ATG5: variants seen among roughly 807,000 people sequenced by gnomAD.
ATG5 encodes autophagy related 5.
In ATG5, 14 loss-of-function variants were observed where a neutral mutation model predicts 36.5. The ratio of observed to expected loss-of-function variants is 0.38; its 90% CI spans 0.25 to 0.60. ATG5 has a LOEUF of 0.60. ATG5 is among the 20% of genes least tolerant of loss of function. The pLI is 0.60. For missense variants in ATG5, 195 were observed against 326.7 expected, an observed-to-expected ratio of 0.60 and a Z score of 3.11; for synonymous variants, 95 against 101.5, an observed-to-expected ratio of 0.94 and a Z score of 0.38.
Position 106,297,765 on chromosome 6 carries a change from C to T in ATG5, c.237-4659G>A, listed in dbSNP as rs868501809. Among the ~76,000 whole-genome samples the T allele has an allele frequency of 2.9e-3, 314 of 108,086 alleles. 2 individuals carry two copies. Among genetic ancestry groups the T allele is most frequent in the Non-Finnish European group, 1.6e-3 (82 of 51,666 alleles). 70.9% of individuals were successfully genotyped at this position (108,086 alleles called of 152,430 possible). A position where few individuals can be genotyped will look rare whatever the true frequency, so the allele number is the denominator to read the frequency against. On this transcript the variant is annotated intron_variant, in intron 3 of 7. Transcript: ENST00000369076. ...ACACACACACACACACACACACACA[C>T]ATATATATTTTAAAGTTCATTGGGG...
chr6:106,256,407 C>A (rs1262302024), intron 5 of ATG5, among the ~76,000 whole-genome samples: 1 of 152,168 alleles, frequency 6.6e-6, no homozygotes, highest in South Asian at 2.1e-4. Flanking sequence ...CCACTCCAGA[C>A]CAATTACCTG....
At chr6:106,191,668 G>T (rs936995195) in intron 7 of ATG5, among the ~76,000 whole-genome samples, 2 of 152,078 alleles carry the variant, frequency 1.3e-5, no homozygotes, top group Middle Eastern at 3.4e-3. Flanking sequence ...TGGACACAGG[G>T]TACTCAATAA....
At chr6:106,225,578 TATC>T (rs1777423127) in intron 6 of ATG5, among the ~76,000 whole-genome samples, 1 of 152,198 alleles carries the variant, frequency 6.6e-6, no homozygotes, top group Admixed American at 6.5e-5. Context: ...AAAGTGGTGA[TATC>T]ATCAGTAATA....
At chr6:106,252,791 C>T (rs1284027706) in intron 5 of ATG5, among the ~76,000 whole-genome samples, 1 of 152,254 alleles carries the variant, frequency 6.6e-6, no homozygotes, top group Non-Finnish European at 1.5e-5. Flanking sequence ...CATGCATACA[C>T]TATTCACCTC....
At chr6:106,235,880 T>A (rs1278694569) in intron 6 of ATG5, among the ~76,000 whole-genome samples, 1 of 152,164 alleles carries the variant, frequency 6.6e-6, no homozygotes, top group Non-Finnish European at 1.5e-5. Context: ...AAGTATACAG[T>A]TCAAACTGTA....
At position 106,257,506 on chromosome 6, in the gene ATG5, A is replaced by G. The variant is rs189886693; in HGVS notation, c.479-9262T>C. Among the ~76,000 whole-genome samples, 528 of 152,330 alleles carry G rather than the reference A, an allele frequency of 3.5e-3. 3 individuals carry two copies. Among genetic ancestry groups the G allele is most frequent in the Non-Finnish European group, 5.7e-3 (391 of 68,016 alleles). On this transcript the variant is annotated intron_variant, in intron 5 of 7. Coordinates refer to ENST00000369076, the MANE Select transcript of ATG5 (RefSeq NM_004849.4). ...AGTTCCATTATAATCTTAAGGGACCACTATCATACATGCAGTCCACTGTTG... is the reference window on the plus strand; with the variant it reads ...AGTTCCATTATAATCTTAAGGGACCGCTATCATACATGCAGTCCACTGTTG...
chr6:106,296,073 C>G (rs1399024319), intron 3 of ATG5, among the ~76,000 whole-genome samples: 3 of 152,110 alleles, frequency 2.0e-5, no homozygotes, highest in Non-Finnish European at 4.4e-5. Flanking sequence ...CAGACTAACC[C>G]TAGGTACAAC....
At chr6:106,205,450 G>C (rs1776593107) in intron 6 of ATG5, among the ~76,000 whole-genome samples, 1 of 152,120 alleles carries the variant, frequency 6.6e-6, no homozygotes, top group South Asian at 2.1e-4. Flanking sequence ...AAATGCTTGA[G>C]GTGGTGAATA....
At chr6:106,278,885 T>C (rs1369401767) in intron 5 of ATG5, among the ~76,000 whole-genome samples, 3 of 152,196 alleles carry the variant, frequency 2.0e-5, no homozygotes, top group African/African-American at 7.2e-5. Flanking sequence ...CATAAGCTCA[T>C]CTGTTGTTAT....
intron 5 of ATG5, among the ~76,000 whole-genome samples, chr6:106,265,736 C>T (rs768845169): frequency 1.2e-4 from 18 of 151,946 alleles, no homozygotes; most frequent in Non-Finnish European, 2.2e-4. Flanking sequence ...AAAACCGCTC[C>T]TAAATAACTA....
intron 7 of ATG5, among the ~76,000 whole-genome samples, chr6:106,196,722 C>CAA (rs34507159): frequency 5.1e-5 from 7 of 138,276 alleles, no homozygotes; most frequent in Non-Finnish European, 9.6e-5. Flanking sequence ...GAATCAGTCT[C>CAA]AAAAAAAAAA....
At position 106,184,676 on chromosome 6, in the gene ATG5, T is replaced by C. The variant is rs75544359; in HGVS notation, c.*1864A>G. ...GAAGTAAAAATGGGCAATGTCTTCATAAAATTTACTTTCAAATCTAGATCA... is the reference window on the plus strand; with the variant it reads ...GAAGTAAAAATGGGCAATGTCTTCACAAAATTTACTTTCAAATCTAGATCA... On this transcript the variant is annotated 3_prime_UTR_variant, in exon 8 of 8. Coordinates refer to ENST00000369076, the MANE Select transcript of ATG5 (RefSeq NM_004849.4). The C allele has an allele frequency of 4.7e-3, 718 of 152,374 alleles. 7 individuals are homozygous for C. Among genetic ancestry groups the C allele is most frequent in the Non-Finnish European group, 5.8e-3 (396 of 67,982 alleles). The allele number at this position is 152,374 out of a possible 1,614,324, so 9.4% of individuals were successfully genotyped here.
At chr6:106,216,920 A>G (rs1777061842) in intron 6 of ATG5, among the ~76,000 whole-genome samples, 1 of 151,726 alleles carries the variant, frequency 6.6e-6, no homozygotes, top group Non-Finnish European at 1.5e-5. Context: ...TAAAAGGGTG[A>G]CCTCTGTAGT....
intron 4 of ATG5, among the ~76,000 whole-genome samples, chr6:106,281,282 G>C (rs957283897): frequency 6.6e-6 from 1 of 152,154 alleles, no homozygotes; most frequent in African/African-American, 2.4e-5. Flanking sequence ...ATGAGTAACT[G>C]TCAGCCCAAG....
chr6:106,195,808 T>TAAAAAA (rs35892579), intron 7 of ATG5, among the ~76,000 whole-genome samples: 2 of 91,348 alleles, frequency 2.2e-5, no homozygotes, highest in Non-Finnish European at 4.3e-5. Context: ...TGCTCCCCTC[T>TAAAAAA]AAAAAAAAAA....
At chr6:106,298,347 G>A (rs1330446860) in intron 3 of ATG5, among the ~76,000 whole-genome samples, 2 of 152,064 alleles carry the variant, frequency 1.3e-5, no homozygotes, top group Non-Finnish European at 2.9e-5. Flanking sequence ...GGCATATTAA[G>A]AATTAGGAGA....
At chr6:106,319,060 T>G (rs12527992) in intron 1 of ATG5, among the ~76,000 whole-genome samples, 12,483 of 152,208 alleles carry the variant, frequency 0.082, 732 homozygotes, top group Non-Finnish European at 0.12. Flanking sequence ...ACTTACAGTG[T>G]AACCTCAAGT....
At chr6:106,322,030 A>AT (rs889830851) in intron 1 of ATG5, among the ~76,000 whole-genome samples, 1 of 152,120 alleles carries the variant, frequency 6.6e-6, no homozygotes, top group African/African-American at 2.4e-5. Flanking sequence ...TTTTAGAAAG[A>AT]TTTTCCCTCT....
At chr6:106,200,035 G>A (rs1242835196) in intron 7 of ATG5, among the ~76,000 whole-genome samples, 2 of 152,174 alleles carry the variant, frequency 1.3e-5, no homozygotes, top group Non-Finnish European at 2.9e-5. Flanking sequence ...GGTTCTGACA[G>A]TATTATTGTA....
Sources: gnomAD v4.1 joint callset for allele counts (sites outside exome capture counted in the v4.1 genomes callset) on GRCh38, gnomAD v4.1.1 for gene constraint, MANE v1.5 for transcripts, NCBI Gene and HGNC (gene_info 2026-07-23, HGNC 2026-07-21) for gene names.